The following CHST8 variants were observed in gnomAD, a reference collection of about 807,000 sequenced individuals.
CHST8 encodes carbohydrate sulfotransferase 8.
Under a neutral mutation model 15.0 loss-of-function variants are expected in CHST8, and 10 were observed. The observed-to-expected ratio is 0.67, with a 90% CI of 0.41 to 1.13. The LOEUF is 1.13. Ranked by LOEUF, CHST8 falls within the 50% of genes most tolerant of loss-of-function variation. The pLI, the probability that CHST8 is intolerant of heterozygous loss-of-function variation, is 0.00. For synonymous variants in CHST8, 259 were observed against 256.6 expected (o/e 1.01, Z -0.09); for missense variants, 634 against 608.2 (o/e 1.04, Z -0.45).
intron 1 of CHST8, among the ~76,000 whole-genome samples, chr19:33,656,374 T>C (rs138533717): frequency 6.6e-6 from 1 of 152,246 alleles, no homozygotes; most frequent in East Asian, 1.9e-4. Context: ...GTTTCAGAGA[T>C]GATGTGAAAA....
chr19:33,727,317 GGCTGAACCAGCCTCCC>G (rs1973920125), intron 3 of CHST8, among the ~76,000 whole-genome samples: 1 of 152,164 alleles, frequency 6.6e-6, no homozygotes, highest in Non-Finnish European at 1.5e-5. Context: ...CGACCCAGGA[GGCTGAACCAGCCTCCC>G]GTGGTGGCTG....
intron 3 of CHST8, among the ~76,000 whole-genome samples, chr19:33,771,139 G>A (rs193189725): frequency 7.9e-5 from 12 of 152,286 alleles, no homozygotes; most frequent in Non-Finnish European, 1.6e-4. Flanking sequence ...TGCCTTTCCA[G>A]ACCTTGTAGA....
At chr19:33,703,931 G>C (rs557423714) in intron 3 of CHST8, among the ~76,000 whole-genome samples, 3 of 152,342 alleles carry the variant, frequency 2.0e-5, no homozygotes, top group African/African-American at 7.2e-5. Flanking sequence ...CTGCCACTGG[G>C]GAGTCCCTGC....
At chr19:33,757,508 AAGAAAGAAAGAAAGAGAAAGAAAGAAAG>A (rs1974606321) in intron 3 of CHST8, among the ~76,000 whole-genome samples, 1 of 46,274 alleles carries the variant, frequency 2.2e-5, no homozygotes, top group Non-Finnish European at 4.5e-5. Flanking sequence ...GAAAGAAAGA[AAGAAAGAAAGAAAGAGAAAGAAAGAAAG>A]AAAGAAAGAA....
intron 3 of CHST8, among the ~76,000 whole-genome samples, chr19:33,741,138 A>G (rs990105228): frequency 6.6e-6 from 1 of 152,192 alleles, no homozygotes. Flanking sequence ...GACCCCAGCC[A>G]GAATCTGGCC....
rs900432877 is a variant in CHST8, at chr19:33,765,075, A to G, written c.131-6338A>G. Among the ~76,000 whole-genome samples, 4 of 83,742 alleles carry G rather than the reference A, an allele frequency of 4.8e-5. 1 individual carries two copies. Among genetic ancestry groups the G allele is most frequent in the African/African-American group, 2.7e-4 (4 of 14,724 alleles). The allele number at this position is 83,742 out of a possible 152,430, so 54.9% of individuals were successfully genotyped here. On this transcript the variant is annotated intron_variant, in intron 3 of 4. Transcript: ENST00000650847. ...CATCATATATATATATATATATATC[A>G]GAGTTTCTTTATCCACTCGTTGATT...
intron 3 of CHST8, among the ~76,000 whole-genome samples, chr19:33,753,070 C>T (rs1974451831): frequency 6.6e-6 from 1 of 152,088 alleles, no homozygotes; most frequent in Non-Finnish European, 1.5e-5. Context: ...GGAAGGCTCG[C>T]TTGCATTTGA....
chr19:33,623,229 C>A (rs1271289468), intron 1 of CHST8, among the ~76,000 whole-genome samples: 1 of 152,204 alleles, frequency 6.6e-6, no homozygotes, highest in Admixed American at 6.5e-5. Context: ...CGGCTGTGGG[C>A]GCTGCTGCCC....
At chr19:33,651,078 T>C (rs536091266) in intron 1 of CHST8, among the ~76,000 whole-genome samples, 125 of 152,342 alleles carry the variant, frequency 8.2e-4, no homozygotes, top group Non-Finnish European at 3.7e-4. Flanking sequence ...ATGGTATCAT[T>C]TGCAGTACAA....
At chr19:33,669,921 G>A (rs889006038) in intron 2 of CHST8, among the ~76,000 whole-genome samples, 2 of 152,156 alleles carry the variant, frequency 1.3e-5, no homozygotes, top group South Asian at 4.1e-4. Context: ...TTATGTCTTT[G>A]AACTGGAGTC....
intron 1 of CHST8, among the ~76,000 whole-genome samples, chr19:33,650,526 T>C (rs1431649929): frequency 7.5e-4 from 81 of 108,538 alleles, no homozygotes; most frequent in Non-Finnish European, 9.8e-4. Context: ...TTCTTTTTTT[T>C]TTTTTTTTTT....
At chr19:33,622,744 G>C (rs974695396) in intron 1 of CHST8, among the ~76,000 whole-genome samples, 4 of 152,258 alleles carry the variant, frequency 2.6e-5, no homozygotes, top group African/African-American at 9.6e-5. Context: ...GGGTTGCGGC[G>C]GGCAGAGACT....
intron 3 of CHST8, among the ~76,000 whole-genome samples, chr19:33,737,140 A>C (rs1015650694): frequency 6.6e-6 from 1 of 152,226 alleles, no homozygotes; most frequent in Non-Finnish European, 1.5e-5. Flanking sequence ...AAACTCATTA[A>C]TAATCTACCC....
chr19:33,754,738 T>C (rs1426967464), intron 3 of CHST8, among the ~76,000 whole-genome samples: 1 of 152,164 alleles, frequency 6.6e-6, no homozygotes, highest in East Asian at 1.9e-4. Flanking sequence ...GCCTCTCAAA[T>C]AGACTAGCTA....
At chr19:33,752,117 C>T (rs1169508947) in intron 3 of CHST8, among the ~76,000 whole-genome samples, 3 of 152,108 alleles carry the variant, frequency 2.0e-5, no homozygotes, top group Admixed American at 6.5e-5. Context: ...GGGGAGGCTC[C>T]GCCTAGCGGG....
intron 3 of CHST8, among the ~76,000 whole-genome samples, chr19:33,751,352 C>T (rs905868052): frequency 3.3e-5 from 5 of 152,214 alleles, no homozygotes; most frequent in East Asian, 3.9e-4. Flanking sequence ...GATCCTCAGA[C>T]GTAGACATCC....
chr19:33,716,314 G>C (rs2145301939), intron 3 of CHST8, among the ~76,000 whole-genome samples: 2 of 152,242 alleles, frequency 1.3e-5, no homozygotes, highest in Admixed American at 1.3e-4. Flanking sequence ...TCAGATGCTT[G>C]ATGAGCCCTA....
intron 1 of CHST8, among the ~76,000 whole-genome samples, chr19:33,657,323 C>CA (rs1411989796): frequency 6.8e-6 from 1 of 147,622 alleles, no homozygotes; most frequent in African/African-American, 2.5e-5. Context: ...GGCTGGAGTG[C>CA]AGTAGCACGA....
chr19:33,700,467 A>C (rs1973310013), intron 3 of CHST8, among the ~76,000 whole-genome samples: 1 of 152,146 alleles, frequency 6.6e-6, no homozygotes, highest in Admixed American at 6.5e-5. Flanking sequence ...CCCATGCCTC[A>C]CTTTTCCTGG....
Sources: gnomAD v4.1 joint callset for allele counts (sites outside exome capture counted in the v4.1 genomes callset) on GRCh38, gnomAD v4.1.1 for gene constraint, MANE v1.5 for transcripts, NCBI Gene and HGNC (gene_info 2026-07-23, HGNC 2026-07-21) for gene names.